ELAPOR2: variants seen among roughly 807,000 people sequenced by gnomAD.
ELAPOR2 encodes the protein endosome-lysosome associated apoptosis and autophagy regulator family member 2, also known as endosome/lysosome-associated apoptosis and autophagy regulator family member 2.
In ELAPOR2, 89 loss-of-function variants were observed where a neutral mutation model predicts 120.7. The observed-to-expected ratio is 0.74, with a 90% CI of 0.62 to 0.88. ELAPOR2 has a LOEUF of 0.88. ELAPOR2 is among the 40% of genes least tolerant of loss of function. The pLI, the probability that ELAPOR2 is intolerant of heterozygous loss-of-function variation, is 0.00. For missense variants in ELAPOR2, 1,134 were observed against 1,251.6 expected (o/e 0.91, Z 1.42); for synonymous variants, 444 against 444.9 (o/e 1.00, Z 0.03).
chr7:86,931,707 T>C (rs139842519), intron 8 of ELAPOR2, among the ~76,000 whole-genome samples: 31 of 151,862 alleles, frequency 2.0e-4, no homozygotes, highest in African/African-American at 6.8e-4. Context: ...AGTCCCTGTA[T>C]ACAGGAAGCT....
chr7:86,904,670 G>A (rs1788888556), intron 18 of ELAPOR2, among the ~76,000 whole-genome samples: 1 of 152,144 alleles, frequency 6.6e-6, no homozygotes, highest in Non-Finnish European at 1.5e-5. Context: ...ATAATTTGCT[G>A]TTCCCTCTAA....
intron 18 of ELAPOR2, among the ~76,000 whole-genome samples, chr7:86,905,105 A>AGGAAGGAAGGAAGGAC (rs1298957849): frequency 5.4e-5 from 8 of 149,122 alleles, no homozygotes; most frequent in Non-Finnish European, 1.2e-4. Context: ...GAAGGAAGGA[A>AGGAAGGAAGGAAGGAC]GGAAGGAAGG....
intron 1 of ELAPOR2, among the ~76,000 whole-genome samples, chr7:87,021,694 T>C (rs1226496133): frequency 1.3e-5 from 2 of 152,200 alleles, no homozygotes; most frequent in African/African-American, 2.4e-5. Context: ...TCATTTATAC[T>C]CTCACCTGTA....
At chr7:86,958,245 T>C (rs1791556206) in intron 2 of ELAPOR2, among the ~76,000 whole-genome samples, 1 of 152,190 alleles carries the variant, frequency 6.6e-6, no homozygotes, top group African/African-American at 2.4e-5. Context: ...ATCTGCTTTT[T>C]ATAAAGGGAG....
At chr7:86,957,532 C>T (rs891244657) in intron 2 of ELAPOR2, among the ~76,000 whole-genome samples, 2 of 151,798 alleles carry the variant, frequency 1.3e-5, no homozygotes, top group Non-Finnish European at 2.9e-5. Context: ...TTCCTAATAC[C>T]AATTAAACAA....
At chr7:86,943,265 C>T (rs1298988443) in intron 4 of ELAPOR2, among the ~76,000 whole-genome samples, 1 of 151,086 alleles carries the variant, frequency 6.6e-6, no homozygotes, top group Non-Finnish European at 1.5e-5. Context: ...TAAGTCTAAT[C>T]ACTTAGTCTC....
intron 18 of ELAPOR2, among the ~76,000 whole-genome samples, chr7:86,898,630 A>G (rs1353830007): frequency 1.3e-5 from 2 of 152,000 alleles, no homozygotes; most frequent in African/African-American, 2.4e-5. Context: ...TGAGTCTAGA[A>G]TATTTGGTAG....
intron 1 of ELAPOR2, among the ~76,000 whole-genome samples, chr7:86,981,410 C>T (rs1445586656): frequency 1.3e-5 from 2 of 152,138 alleles, no homozygotes; most frequent in Non-Finnish European, 2.9e-5. Flanking sequence ...GGCTTCTGCC[C>T]CCTCATGAAT....
At chr7:87,057,183 G>C (rs1178151047) in intron 1 of ELAPOR2, among the ~76,000 whole-genome samples, 3 of 152,232 alleles carry the variant, frequency 2.0e-5, no homozygotes, top group Admixed American at 6.5e-5. Context: ...TCAGAGGAAA[G>C]GGCTGAGCTC....
Position 86,897,619 on chromosome 7 carries a change from C to T in ELAPOR2, c.2572G>A (p.Gly858Ser), listed in dbSNP as rs769104395. 1 of 1,613,100 alleles carries T rather than the reference C, an allele frequency of 6.2e-7. No homozygotes were observed. Among genetic ancestry groups the T allele is most frequent in the East Asian group, 2.2e-5 (1 of 44,792 alleles). Residue 858 changes from glycine to serine, a missense_variant, in exon 19 of 22, where the codon GGT becomes AGT. By Grantham distance (56) the Gly-to-Ser change is moderately conservative. Around this residue, in one of 3 missense-constraint regions of ELAPOR2, gnomAD observed 831 missense variants for 867.6 expected, o/e 0.96. Coordinates refer to ENST00000450689, the MANE Select transcript of ELAPOR2 (RefSeq NM_001142749.3). ...VISVPSKCPA[G>S]TCDGCTFYFL... ...TAGAACGTACACCCATCACAGGTAC[C>T]TGCTGGGCACTTGCTAAAATCATAA...
At chr7:86,896,991 A>C (rs999517135) in intron 19 of ELAPOR2, among the ~76,000 whole-genome samples, 1 of 152,084 alleles carries the variant, frequency 6.6e-6, no homozygotes, top group African/African-American at 2.4e-5. Flanking sequence ...ATTATATAAA[A>C]AATAAAATAT....
chr7:87,050,917 G>C (rs747042278), intron 1 of ELAPOR2, among the ~76,000 whole-genome samples: 24 of 152,182 alleles, frequency 1.6e-4, no homozygotes, highest in Non-Finnish European at 3.2e-4. Context: ...GCAACTAGAA[G>C]AAAGGAGTTG....
chr7:86,974,706 AATT>A (rs1487009571), intron 1 of ELAPOR2, among the ~76,000 whole-genome samples: 5 of 151,898 alleles, frequency 3.3e-5, no homozygotes, highest in Non-Finnish European at 5.9e-5. Context: ...TATTCTATAT[AATT>A]ATGTATTATC....
chr7:87,031,077 T>C lies in ELAPOR2; in HGVS notation c.189+28248A>G, dbSNP rs190864799. 3.5e-3 allele frequency among the ~76,000 whole-genome samples: 528 copies of C among 152,224 alleles called. 5 individuals carry two copies. Among genetic ancestry groups the C allele is most frequent in the Non-Finnish European group, 5.0e-3 (338 of 67,994 alleles). On this transcript the variant is annotated intron_variant, in intron 1 of 21. Coordinates refer to ENST00000450689, the MANE Select transcript of ELAPOR2 (RefSeq NM_001142749.3). ...GGGGAAACCACCCCCATGATTCAAT[T>C]ATCTCCCACCTGGTCCCTCCCACAA...
chr7:86,880,467 C>T lies in ELAPOR2; in HGVS notation c.*4G>A, dbSNP rs1467579649. On this transcript the variant is annotated 3_prime_UTR_variant, in exon 22 of 22. Transcript: ENST00000450689. The stretch of plus-strand genomic sequence containing the variant: ...ATTAGTCTCAAGGCTACAGCACTGT[C>T]TCTTCATATATTTGGGGATCTTGAG... 8.1e-6 allele frequency: 13 copies of T among 1,603,806 alleles called. No homozygotes were observed. Among genetic ancestry groups the T allele is most frequent in the Non-Finnish European group, 1.0e-5 (12 of 1,171,102 alleles).
intron 1 of ELAPOR2, among the ~76,000 whole-genome samples, chr7:87,040,616 A>G (rs1188237147): frequency 1.3e-5 from 2 of 152,196 alleles, no homozygotes; most frequent in Non-Finnish European, 2.9e-5. Flanking sequence ...CCATCTGTAC[A>G]TCACCATCAT....
rs1562890732 is a variant in ELAPOR2 at position 86,879,078 on chromosome 7, G to A, written c.*1393C>T. 6.6e-6 allele frequency: 1 copy of A among 152,064 alleles called. No homozygotes were observed. Among genetic ancestry groups the A allele is most frequent in the Non-Finnish European group, 1.5e-5 (1 of 68,012 alleles). 9.4% of individuals were successfully genotyped at this position (152,064 alleles called of 1,614,324 possible). A position where few individuals can be genotyped will look rare whatever the true frequency, so the allele number is the denominator to read the frequency against. On this transcript the variant is annotated 3_prime_UTR_variant, in exon 22 of 22. Coordinates refer to ENST00000450689, the MANE Select transcript of ELAPOR2 (RefSeq NM_001142749.3). ...CTACATATATGCCCTGCCTCTCTCAGCCAATCACAACTATTTTTTTAAATC... is the reference window on the plus strand; with the variant it reads ...CTACATATATGCCCTGCCTCTCTCAACCAATCACAACTATTTTTTTAAATC...
chr7:86,983,508 C>T (rs974639908), intron 1 of ELAPOR2, among the ~76,000 whole-genome samples: 16 of 152,284 alleles, frequency 1.1e-4, no homozygotes, highest in African/African-American at 3.9e-4. Context: ...CTCCACAAGC[C>T]AGAAGAGAGT....
intron 1 of ELAPOR2, among the ~76,000 whole-genome samples, chr7:87,053,727 C>G (rs984012766): frequency 3.9e-5 from 6 of 152,130 alleles, no homozygotes; most frequent in African/African-American, 1.4e-4. Context: ...TTTTACTAGT[C>G]CAGGAAAGGA....
Sources: allele counts gnomAD v4.1 joint callset (sites outside exome capture counted in the v4.1 genomes callset), GRCh38; gene constraint gnomAD v4.1.1; regional missense constraint gnomAD v4.1.1; transcripts MANE v1.5; gene names NCBI Gene and HGNC (gene_info 2026-07-23, HGNC 2026-07-21).